Variants in AANAT observed in about 807,000 individuals in gnomAD.
AANAT encodes the protein aralkylamine N-acetyltransferase.
A neutral mutation model predicts 15.6 loss-of-function variants in AANAT; 11 were observed. The ratio of observed to expected loss-of-function variants is 0.71; its 90% CI spans 0.44 to 1.17. The LOEUF (loss-of-function observed/expected upper bound fraction) is 1.17. Ranked by LOEUF, AANAT falls within the 50% of genes most tolerant of loss-of-function variation. The pLI, the probability that AANAT is intolerant of heterozygous loss-of-function variation, is 0.00. For missense variants in AANAT, 286 were observed against 296.3 expected (o/e 0.97, Z 0.26); for synonymous variants, 139 against 131.5 (o/e 1.06, Z -0.39).
chr17:76,466,113 C>T (rs2073435469), upstream of AANAT: 3 of 1,429,204 alleles, frequency 2.1e-6, no homozygotes, highest in African/African-American at 4.2e-5. Context: ...GCCGATTGAA[C>T]AGCAGGCTCT....
chr17:76,463,309 CTTTTT>C (rs60885549), upstream of AANAT, among the ~76,000 whole-genome samples: 1 of 111,978 alleles, frequency 8.9e-6, no homozygotes, highest in Non-Finnish European at 1.7e-5. Context: ...GGAAGGATTC[CTTTTT>C]TTTTTTTTTT....
intron 3 of AANAT, chr17:76,462,517 C>A (rs556237621): frequency 1.1e-4 from 16 of 152,288 alleles, no homozygotes; most frequent in African/African-American, 3.9e-4. Context: ...TGAAGCTCCT[C>A]GGGGGATGCG....
At chr17:76,468,321 C>T (rs949994581) in intron 1 of AANAT, among the ~76,000 whole-genome samples, 2 of 152,082 alleles carry the variant, frequency 1.3e-5, no homozygotes, top group South Asian at 2.1e-4. Context: ...CCCCTCCCAC[C>T]GTGGGCAGCA....
intron 1 of AANAT, among the ~76,000 whole-genome samples, chr17:76,456,963 T>G (rs2073348226): frequency 6.6e-6 from 1 of 152,178 alleles, no homozygotes; most frequent in African/African-American, 2.4e-5. Flanking sequence ...TCTTTAGGCT[T>G]CCCTCAGAAG....
chr17:76,466,283 C>T (rs1204743505), upstream of AANAT: 2 of 1,462,664 alleles, frequency 1.4e-6, no homozygotes. Context: ...CCAACCAAGC[C>T]CAAGGAGGTC....
At chr17:76,454,683 C>T (rs746487000) in intron 1 of AANAT, among the ~76,000 whole-genome samples, 7 of 151,520 alleles carry the variant, frequency 4.6e-5, no homozygotes, top group East Asian at 1.9e-4. Flanking sequence ...ATTAGCTGGG[C>T]GTGGTGGTGT....
chr17:76,463,910 A>T (rs2073413218), upstream of AANAT, among the ~76,000 whole-genome samples: 1 of 152,100 alleles, frequency 6.6e-6, no homozygotes. Flanking sequence ...TCCTCACCAC[A>T]TCTGATTAGG....
intron 1 of AANAT, among the ~76,000 whole-genome samples, chr17:76,456,598 T>C (rs1029004148): frequency 6.6e-6 from 1 of 152,110 alleles, no homozygotes; most frequent in African/African-American, 2.4e-5. Context: ...CAAATGACCA[T>C]CTGGAATCAC....
At chr17:76,457,747 C>T (rs187544073) in intron 1 of AANAT, among the ~76,000 whole-genome samples, 354 of 152,274 alleles carry the variant, frequency 2.3e-3, no homozygotes, top group South Asian at 9.5e-3. Flanking sequence ...AATAATGTGT[C>T]GTATTAGGCT....
chr17:76,466,382 C>T (rs1261574988), upstream of AANAT: 1 of 335,400 alleles, frequency 3.0e-6, no homozygotes. Flanking sequence ...GAAGGGGACC[C>T]AGAGACAGGA....
upstream of AANAT, among the ~76,000 whole-genome samples, chr17:76,463,967 C>A (rs1191199446): frequency 6.6e-6 from 1 of 152,134 alleles, no homozygotes; most frequent in Non-Finnish European, 1.5e-5. Flanking sequence ...TCTACCAGGG[C>A]AGGTGGGGAG....
rs73363369 is a variant in AANAT, at chr17:76,453,459, G to A, written c.-899G>A. ...GGAGTGGCCACCGAGGAAGAGGGGA[G>A]TGGTCGGGGTGGGGCACAGGATGGT... On this transcript the variant is annotated 5_prime_UTR_variant, in exon 1 of 7. Transcript: ENST00000250615. 616 of 241,382 alleles carry A rather than the reference G, an allele frequency of 2.6e-3. 2 individuals carry two copies. The highest frequency in any genetic ancestry group is 0.013 in the African/African-American group (568 of 44,194). 15.0% of individuals were successfully genotyped at this position (241,382 alleles called of 1,614,324 possible).
upstream of AANAT, among the ~76,000 whole-genome samples, chr17:76,466,765 G>A (rs2073442355): frequency 6.6e-6 from 1 of 152,124 alleles, no homozygotes; most frequent in South Asian, 2.1e-4. Context: ...AAGGAGACGC[G>A]TATCCAGGGC....
chr17:76,462,244 G>A (rs1367183304), intron 2 of AANAT: 2 of 152,272 alleles, frequency 1.3e-5, no homozygotes, highest in East Asian at 3.8e-4. Flanking sequence ...ATGCTGGCTG[G>A]GCCAAGGGGA....
Position 76,455,847 on chromosome 17 carries a change from C to A in AANAT, c.-576+2065C>A, listed in dbSNP as rs150221162. On this transcript the variant is annotated intron_variant, in intron 1 of 6. Coordinates refer to the AANAT transcript ENST00000250615. ...TGGCCAACATGGTGAAACCCCGTCT[C>A]TGCTAAAAACACAAAATTAGCCAGG... is the stretch of plus-strand genomic sequence containing the variant. Among the ~76,000 whole-genome samples, 789 of 152,200 alleles carry A rather than the reference C, an allele frequency of 5.2e-3. 5 individuals are homozygous for A. The highest frequency in any genetic ancestry group is 0.018 in the African/African-American group (757 of 41,482).
At chr17:76,462,666 G>C (rs993916847), upstream of AANAT, among the ~76,000 whole-genome samples, 8 of 152,126 alleles carry the variant, frequency 5.3e-5, no homozygotes, top group African/African-American at 1.9e-4. Context: ...CTCATCCCCC[G>C]GGGAGCCTGC....
At chr17:76,466,364 C>A (rs1598639063), upstream of AANAT, 1 of 599,814 alleles carries the variant, frequency 1.7e-6, no homozygotes, top group East Asian at 3.2e-5. Context: ...TGCAGAGGGG[C>A]CCTGGGAGAA....
chr17:76,459,027 A>G (rs1038911411), intron 1 of AANAT, among the ~76,000 whole-genome samples: 2 of 152,226 alleles, frequency 1.3e-5, no homozygotes, highest in Non-Finnish European at 2.9e-5. Context: ...CTCCTTGCAC[A>G]GGTGCCCTGG....
At chr17:76,457,650 G>A (rs2073353217) in intron 1 of AANAT, among the ~76,000 whole-genome samples, 1 of 152,184 alleles carries the variant, frequency 6.6e-6, no homozygotes, top group South Asian at 2.1e-4. Context: ...TCCCTCACTA[G>A]ACTAAACCCT....
Sources: gnomAD v4.1 joint callset for allele counts (sites outside exome capture counted in the v4.1 genomes callset) on GRCh38, gnomAD v4.1.1 for gene constraint, MANE v1.5 for transcripts, NCBI Gene and HGNC (gene_info 2026-07-23, HGNC 2026-07-21) for gene names.